Variants in METTL15 observed in about 807,000 individuals in gnomAD.
The protein encoded by METTL15 is methyltransferase 15, mitochondrial 12S rRNA N4-cytidine.
A neutral mutation model predicts 38.3 loss-of-function variants in METTL15; 34 were observed. The ratio of observed to expected loss-of-function variants is 0.89; its 90% CI spans 0.68 to 1.18. The LOEUF is 1.18. Ranked by LOEUF, METTL15 falls within the 50% of genes most tolerant of loss-of-function variation. The pLI, the probability that METTL15 is intolerant of heterozygous loss-of-function variation, is 0.00. For synonymous variants in METTL15, 162 were observed against 170.9 expected, an observed-to-expected ratio of 0.95 and a Z score of 0.41; for missense variants, 438 against 498.4, an observed-to-expected ratio of 0.88 and a Z score of 1.15.
intron 5 of METTL15, among the ~76,000 whole-genome samples, chr11:28,370,285 C>G (rs1850229474): frequency 6.8e-6 from 1 of 147,492 alleles, no homozygotes; most frequent in African/African-American, 2.4e-5. Context: ...CCACTTAGCT[C>G]TCATATATGA....
intron 3 of METTL15, among the ~76,000 whole-genome samples, chr11:28,175,294 TG>T (rs1565143446): frequency 2.0e-5 from 3 of 152,168 alleles, no homozygotes; most frequent in South Asian, 4.1e-4. Flanking sequence ...TTTTTATGGC[TG>T]CATAGTATTC....
At chr11:28,277,292 C>T (rs2133967061) in intron 4 of METTL15, among the ~76,000 whole-genome samples, 1 of 152,262 alleles carries the variant, frequency 6.6e-6, no homozygotes, top group Middle Eastern at 3.4e-3. Context: ...ATATTTATCA[C>T]AGTGCTATTC....
At chr11:28,412,239 T>C (rs1181970997) in intron 5 of METTL15, among the ~76,000 whole-genome samples, 1 of 152,000 alleles carries the variant, frequency 6.6e-6, no homozygotes, top group East Asian at 1.9e-4. Flanking sequence ...GTCTGTCTTC[T>C]GGGTATATAC....
At chr11:28,387,513 A>C (rs575367558) in intron 5 of METTL15, among the ~76,000 whole-genome samples, 24 of 152,150 alleles carry the variant, frequency 1.6e-4, no homozygotes, top group Non-Finnish European at 2.8e-4. Flanking sequence ...AAAAGCCTGA[A>C]CAGACCTATA....
At chr11:28,139,683 C>T (rs1182504437) in intron 3 of METTL15, among the ~76,000 whole-genome samples, 2 of 151,958 alleles carry the variant, frequency 1.3e-5, no homozygotes, top group South Asian at 2.1e-4. Flanking sequence ...GCTGAGTCCT[C>T]CTCAAACAAG....
At chr11:28,308,892 G>GTAGGTAGGTAGA (rs72449461) in intron 6 of METTL15, among the ~76,000 whole-genome samples, 3 of 146,894 alleles carry the variant, frequency 2.0e-5, no homozygotes, top group Non-Finnish European at 3.0e-5. Flanking sequence ...AGGTAGGTAG[G>GTAGGTAGGTAGA]TAGATAGATA....
intron 5 of METTL15, among the ~76,000 whole-genome samples, chr11:28,391,669 C>T (rs986892044): frequency 6.6e-6 from 1 of 152,052 alleles, no homozygotes; most frequent in East Asian, 2.0e-4. Context: ...CGCTTATCTA[C>T]AACTATCTGA....
intron 6 of METTL15, among the ~76,000 whole-genome samples, chr11:28,458,939 A>T (rs1851192585): frequency 6.6e-6 from 1 of 152,114 alleles, no homozygotes; most frequent in Non-Finnish European, 1.5e-5. Context: ...TCTCCCTAAG[A>T]CTGTGATCTT....
chr11:28,186,031 A>G (rs550707336), intron 3 of METTL15, among the ~76,000 whole-genome samples: 1 of 151,118 alleles, frequency 6.6e-6, no homozygotes, highest in East Asian at 1.9e-4. Context: ...TAGAAATCCA[A>G]ATAGAGAAAT....
intron 2 of METTL15, among the ~76,000 whole-genome samples, chr11:28,112,628 C>G (rs574745283): frequency 6.6e-6 from 1 of 151,864 alleles, no homozygotes; most frequent in Non-Finnish European, 1.5e-5. Context: ...TTTTGGGTGC[C>G]GGGGACAGAT....
intron 3 of METTL15, among the ~76,000 whole-genome samples, chr11:28,191,733 C>G (rs754579651): frequency 6.6e-6 from 1 of 151,340 alleles, no homozygotes; most frequent in Non-Finnish European, 1.5e-5. Flanking sequence ...TAGATAAACT[C>G]CTGAAAGGCA....
chr11:28,315,318 T>C (rs2134034687), intron 6 of METTL15, among the ~76,000 whole-genome samples: 1 of 152,290 alleles, frequency 6.6e-6, no homozygotes, highest in East Asian at 1.9e-4. Flanking sequence ...CAAAGGTGAC[T>C]CTGTTATGAT....
At chr11:28,324,646 A>G (rs758711795) in intron 6 of METTL15, among the ~76,000 whole-genome samples, 1 of 152,202 alleles carries the variant, frequency 6.6e-6, no homozygotes, top group Non-Finnish European at 1.5e-5. Context: ...AGCATAGAGG[A>G]CTGGACCCAT....
intron 3 of METTL15, among the ~76,000 whole-genome samples, chr11:28,127,508 G>T (rs1852545888): frequency 6.6e-6 from 1 of 152,030 alleles, no homozygotes; most frequent in African/African-American, 2.4e-5. Flanking sequence ...AAGGTAAATT[G>T]TTTATGATAC....
downstream of METTL15, among the ~76,000 whole-genome samples, chr11:28,334,163 T>C (rs571198274): frequency 6.6e-6 from 1 of 152,094 alleles, no homozygotes; most frequent in African/African-American, 2.4e-5. Flanking sequence ...AAATACCTTT[T>C]TCACCACTCT....
chr11:28,213,650 CT>C lies in METTL15; in HGVS notation c.407+2459del, dbSNP rs1413131006. Among the ~76,000 whole-genome samples the C allele has an allele frequency of 2.0e-5, 3 of 148,272 alleles. No homozygotes were observed. The East Asian group carries it at 5.9e-4, about 29-fold the overall frequency. On this transcript the variant is annotated intron_variant, in intron 4 of 6. Coordinates refer to ENST00000407364, the MANE Select transcript of METTL15 (RefSeq NM_001113528.2). ...AAAAAAAAATAGGAAAAAGCAATGC[CT>C]TTTTTTCTTTTTTTTTTTTTTTGAG...
At chr11:28,399,506 A>G (rs1270871976) in intron 5 of METTL15, among the ~76,000 whole-genome samples, 1 of 151,926 alleles carries the variant, frequency 6.6e-6, no homozygotes, top group Non-Finnish European at 1.5e-5. Context: ...CAATGTGTCT[A>G]ATTTTCAAGA....
At chr11:28,442,163 G>C (rs1186280485) in intron 6 of METTL15, among the ~76,000 whole-genome samples, 1 of 152,210 alleles carries the variant, frequency 6.6e-6, no homozygotes, top group African/African-American at 2.4e-5. Context: ...TCACTGGACA[G>C]TTCCTCAAGT....
chr11:28,453,416 C>G (rs1851140004), intron 6 of METTL15, among the ~76,000 whole-genome samples: 1 of 152,212 alleles, frequency 6.6e-6, no homozygotes, highest in South Asian at 2.1e-4. Flanking sequence ...TCTTAACCTT[C>G]TATCAGTCTT....
Sources: gnomAD v4.1 joint callset for allele counts (sites outside exome capture counted in the v4.1 genomes callset) on GRCh38, gnomAD v4.1.1 for gene constraint, MANE v1.5 for transcripts, NCBI Gene and HGNC (gene_info 2026-07-23, HGNC 2026-07-21) for gene names.